The following ERI3 variants were observed in gnomAD, a reference collection of about 807,000 sequenced individuals.
ERI3 encodes the protein ERI1 exoribonuclease 3.
ERI3 carries 18 observed loss-of-function variants against 44.4 expected under a neutral mutation model. The observed-to-expected ratio is 0.41, with a 90% CI of 0.28 to 0.60. The LOEUF is 0.60. Among genes scored for constraint, ERI3 ranks in the 20% least tolerant of loss-of-function variants. The pLI is 0.36. For missense variants in ERI3, 294 were observed against 435.5 expected, an observed-to-expected ratio of 0.68 and a Z score of 2.89; for synonymous variants, 183 against 164.8, an observed-to-expected ratio of 1.11 and a Z score of -0.84.
chr1:44,242,915 T>A (rs1644471499), intron 8 of ERI3, among the ~76,000 whole-genome samples: 1 of 152,206 alleles, frequency 6.6e-6, no homozygotes. Flanking sequence ...GGCAGCCCAG[T>A]GAGCGTGGCG....
At chr1:44,327,057 A>T (rs1646331191) in intron 3 of ERI3, among the ~76,000 whole-genome samples, 1 of 152,246 alleles carries the variant, frequency 6.6e-6, no homozygotes, top group Non-Finnish European at 1.5e-5. Context: ...TTCAATTGTA[A>T]ATAACTTCAG....
chr1:44,237,362 C>G (rs535161910), intron 8 of ERI3, among the ~76,000 whole-genome samples: 1 of 152,316 alleles, frequency 6.6e-6, no homozygotes, highest in Non-Finnish European at 1.5e-5. Context: ...CCACAATGAT[C>G]TCTTTCCCAG....
At chr1:44,251,658 C>T (rs750860603) in intron 7 of ERI3, among the ~76,000 whole-genome samples, 15 of 152,106 alleles carry the variant, frequency 9.9e-5, no homozygotes, top group Non-Finnish European at 2.2e-4. Context: ...CAGGGGAGTA[C>T]AACATTCCAG....
At chr1:44,333,988 C>T (rs555194979) in intron 3 of ERI3, among the ~76,000 whole-genome samples, 9 of 152,314 alleles carry the variant, frequency 5.9e-5, no homozygotes, top group African/African-American at 1.7e-4. Context: ...CAACCCCAAA[C>T]GTCATTTTTC....
intron 7 of ERI3, among the ~76,000 whole-genome samples, chr1:44,268,181 A>G (rs1013109694): frequency 6.6e-6 from 1 of 152,120 alleles, no homozygotes; most frequent in African/African-American, 2.4e-5. Flanking sequence ...CTGCCTATTG[A>G]CCCATCCATC....
intron 6 of ERI3, among the ~76,000 whole-genome samples, chr1:44,294,966 G>A (rs542841746): frequency 2.0e-4 from 31 of 152,286 alleles, no homozygotes; most frequent in South Asian, 6.2e-4. Flanking sequence ...TCTGACCTCC[G>A]CTCTCATATA....
intron 3 of ERI3, among the ~76,000 whole-genome samples, chr1:44,329,837 G>C (rs145417382): frequency 6.6e-6 from 1 of 152,036 alleles, no homozygotes; most frequent in Non-Finnish European, 1.5e-5. Context: ...GATTCCATGC[G>C]CCACTCCTTA....
At chr1:44,236,642 A>T (rs1004855112) in intron 8 of ERI3, among the ~76,000 whole-genome samples, 2 of 152,020 alleles carry the variant, frequency 1.3e-5, no homozygotes, top group African/African-American at 4.8e-5. Context: ...GTTCCAAGAG[A>T]TGAGGGAAGG....
chr1:44,286,872 T>A (rs1277785130), intron 6 of ERI3, among the ~76,000 whole-genome samples: 3 of 152,148 alleles, frequency 2.0e-5, no homozygotes, highest in Non-Finnish European at 1.5e-5. Context: ...AAGCCACATA[T>A]CCTTATCAAC....
At chr1:44,260,807 C>T (rs193265419) in intron 7 of ERI3, among the ~76,000 whole-genome samples, 2 of 151,038 alleles carry the variant, frequency 1.3e-5, no homozygotes, top group Admixed American at 6.6e-5. Flanking sequence ...TATTTCCCCA[C>T]CTGGAACGCT....
At chr1:44,322,616 T>A in intron 3 of ERI3, 1 of 1,360,034 alleles carries the variant, frequency 7.4e-7, no homozygotes, top group South Asian at 1.6e-5. Context: ...ACAATGAGCC[T>A]ACACACTGGC....
At chr1:44,285,145 T>C (rs544343046) in intron 6 of ERI3, among the ~76,000 whole-genome samples, 1 of 152,204 alleles carries the variant, frequency 6.6e-6, no homozygotes, top group Non-Finnish European at 1.5e-5. Flanking sequence ...TCCAAAATAA[T>C]AGCAGCAGGC....
intron 7 of ERI3, among the ~76,000 whole-genome samples, chr1:44,250,683 G>A (rs1644660095): frequency 6.6e-6 from 1 of 151,790 alleles, no homozygotes; most frequent in African/African-American, 2.4e-5. Flanking sequence ...GATAAGGCGT[G>A]ATAACCAATT....
chr1:44,355,195 C>T lies in ERI3; in HGVS notation c.-169G>A. The stretch of plus-strand genomic sequence containing the variant: ...CAGGGCCAGCTCCGCCCGCTCCCCA[C>T]CGCCCGTTCCCGGCCGCCTGAACAG... On this transcript the variant is annotated 5_prime_UTR_variant, in exon 1 of 9. It adds an upstream start codon to the 5' untranslated region. Coordinates refer to ENST00000372257, the MANE Select transcript of ERI3 (RefSeq NM_024066.3). 5.8e-6 allele frequency: 7 copies of T among 1,197,982 alleles called. No individual in the cohort carries two copies. The highest frequency in any genetic ancestry group is 7.2e-6 in the Non-Finnish European group (7 of 966,228). The allele number at this position is 1,197,982 out of a possible 1,614,324, so 74.2% of individuals were successfully genotyped here. A position where few individuals can be genotyped will look rare whatever the true frequency, so the allele number is the denominator to read the frequency against.
In ERI3 at chr1:44,338,961, C is replaced by T. The variant is rs144169193; in HGVS notation, c.489+84G>A. On this transcript the variant is annotated intron_variant, in intron 3 of 8. Coordinates refer to ENST00000372257, the MANE Select transcript of ERI3 (RefSeq NM_024066.3). ...TAAAAGACAGGAAGGCATGAGAAAG[C>T]TCCTTTGTGTCCCAGGAAGCAAAAC... 2,551 of 1,499,262 alleles carry T rather than the reference C, an allele frequency of 1.7e-3. 13 individuals carry two copies. Among genetic ancestry groups the T allele is most frequent in the Middle Eastern group, 0.012 (47 of 4,080 alleles). 92.9% of individuals were successfully genotyped at this position (1,499,262 alleles called of 1,614,324 possible). A position where few individuals can be genotyped will look rare whatever the true frequency, so the allele number is the denominator to read the frequency against.
chr1:44,342,577 T>C (rs1646676707), intron 2 of ERI3, among the ~76,000 whole-genome samples: 1 of 151,320 alleles, frequency 6.6e-6, no homozygotes, highest in Admixed American at 6.6e-5. Context: ...CATATATATT[T>C]TCTAGCTCTA....
chr1:44,273,025 T>C (rs868232289), intron 7 of ERI3, among the ~76,000 whole-genome samples: 2 of 152,172 alleles, frequency 1.3e-5, no homozygotes, highest in African/African-American at 4.8e-5. Flanking sequence ...ACATTGCTAA[T>C]AGCTCCTTGT....
In ERI3 at chr1:44,221,611, T is replaced by G; in HGVS notation, c.961A>C (p.Lys321Gln). The G allele has an allele frequency of 6.2e-7, 1 of 1,614,170 alleles. No individual in the cohort carries two copies. Among genetic ancestry groups the G allele is most frequent in the South Asian group, 1.1e-5 (1 of 91,080 alleles). Residue 321 changes from lysine (K) to glutamine (Q), a missense_variant, in exon 9 of 9, where the codon AAG becomes CAG. Physicochemically the swap from Lys to Gln is moderately conservative, Grantham distance 53 (BLOSUM62 1). Transcript: ENST00000372257. The surrounding 1 kb of genome is among the most constrained non-coding windows in gnomAD (Gnocchi z 5.9). ...ATGAAGCCTCGATAGGCGAGTGTCT[T>G]CATGATGTTGGCAATGTTCTTGCAG... The part of the protein sequence containing the change: ...DDCKNIANIM[K>Q]TLAYRGFIFK...
intron 7 of ERI3, among the ~76,000 whole-genome samples, chr1:44,251,888 G>C (rs1053220486): frequency 1.3e-5 from 2 of 152,166 alleles, no homozygotes; most frequent in Non-Finnish European, 2.9e-5. Flanking sequence ...TGCCAGCTTG[G>C]GGGAATGGGG....
Sources: gnomAD v4.1 joint callset for allele counts (sites outside exome capture counted in the v4.1 genomes callset) on GRCh38, gnomAD v4.1.1 for gene constraint, Gnocchi (gnomAD v3.1) non-coding constraint, MANE v1.5 for transcripts, NCBI Gene and HGNC (gene_info 2026-07-23, HGNC 2026-07-21) for gene names.